Variants in THSD4 observed in about 807,000 individuals in gnomAD.
THSD4 encodes thrombospondin type-1 domain-containing protein 4.
A neutral mutation model predicts 119.0 loss-of-function variants in THSD4; 69 were observed. The observed-to-expected ratio is 0.58, with a 90% CI of 0.48 to 0.71. The LOEUF is 0.71. THSD4 is among the 30% of genes least tolerant of loss of function. THSD4 has a pLI of 0.00. For synonymous variants in THSD4, 524 were observed against 540.4 expected (o/e 0.97, Z 0.42); for missense variants, 1,393 against 1,391.1 (o/e 1.00, Z -0.02).
At chr15:71,743,473 A>T (rs2141164708) in intron 11 of THSD4, among the ~76,000 whole-genome samples, 1 of 152,306 alleles carries the variant, frequency 6.6e-6, no homozygotes, top group South Asian at 2.1e-4. Context: ...CACCTTTATA[A>T]CTGCACAGTG....
At chr15:71,239,934 A>G (rs1382108507) in intron 4 of THSD4, among the ~76,000 whole-genome samples, 2 of 152,236 alleles carry the variant, frequency 1.3e-5, no homozygotes, top group African/African-American at 4.8e-5. Flanking sequence ...TTCTGAGTCA[A>G]ATACCTAGAA....
At chr15:71,663,456 A>T (rs1239611388) in intron 8 of THSD4, among the ~76,000 whole-genome samples, 1 of 152,202 alleles carries the variant, frequency 6.6e-6, no homozygotes, top group Non-Finnish European at 1.5e-5. Context: ...ACGAACAGAG[A>T]TTCCTTCTAG....
chr15:71,632,845 G>A (rs2050659156), intron 7 of THSD4, among the ~76,000 whole-genome samples: 1 of 152,184 alleles, frequency 6.6e-6, no homozygotes, highest in African/African-American at 2.4e-5. Context: ...TTCTCTTGAG[G>A]ACACAGAGGC....
intron 10 of THSD4, among the ~76,000 whole-genome samples, chr15:71,735,934 C>T (rs2053086677): frequency 1.3e-5 from 2 of 150,422 alleles, no homozygotes. Context: ...CACTTTCTGT[C>T]TCTATCTCTC....
At chr15:71,330,386 G>A (rs563514127) in intron 6 of THSD4, among the ~76,000 whole-genome samples, 29 of 152,264 alleles carry the variant, frequency 1.9e-4, no homozygotes, top group Non-Finnish European at 3.5e-4. Context: ...CGCAGCACAC[G>A]GTAGGTATTC....
intron 6 of THSD4, among the ~76,000 whole-genome samples, chr15:71,367,743 T>C (rs1161033240): frequency 3.3e-5 from 5 of 152,234 alleles, no homozygotes; most frequent in African/African-American, 1.2e-4. Flanking sequence ...GCAATAAACA[T>C]ATGTGGGCAT....
intron 6 of THSD4, among the ~76,000 whole-genome samples, chr15:71,347,937 A>G (rs1027550944): frequency 6.6e-6 from 1 of 152,104 alleles, no homozygotes; most frequent in African/African-American, 2.4e-5. Flanking sequence ...CCACATAATA[A>G]CAATTTCAGT....
At chr15:71,582,538 G>A (rs958757545) in intron 7 of THSD4, among the ~76,000 whole-genome samples, 2 of 152,078 alleles carry the variant, frequency 1.3e-5, no homozygotes, top group Non-Finnish European at 2.9e-5. Context: ...AGTGGCAAGA[G>A]TGGACATCCT....
chr15:71,404,883 C>A (rs2046584130), intron 6 of THSD4, among the ~76,000 whole-genome samples: 1 of 95,456 alleles, frequency 1.0e-5, no homozygotes, highest in Non-Finnish European at 2.4e-5. Context: ...TCTTTTCTTT[C>A]TTTCTTTTCT....
At chr15:71,409,602 G>C (rs995172885) in intron 6 of THSD4, among the ~76,000 whole-genome samples, 1 of 152,172 alleles carries the variant, frequency 6.6e-6, no homozygotes, top group Non-Finnish European at 1.5e-5. Context: ...AAAGAAACCA[G>C]GTCTCTTGAC....
At chr15:71,293,502 A>T (rs2044821090) in intron 6 of THSD4, among the ~76,000 whole-genome samples, 1 of 152,100 alleles carries the variant, frequency 6.6e-6, no homozygotes, top group Non-Finnish European at 1.5e-5. Context: ...GCCTGGCTGC[A>T]TAACATGGGC....
intron 7 of THSD4, among the ~76,000 whole-genome samples, chr15:71,632,281 C>A (rs576304858): frequency 6.6e-6 from 1 of 152,254 alleles, no homozygotes; most frequent in South Asian, 2.1e-4. Flanking sequence ...CACCAGTCAC[C>A]CTTGGGGTTG....
intron 6 of THSD4, among the ~76,000 whole-genome samples, chr15:71,409,636 C>T (rs1019887619): frequency 4.6e-5 from 7 of 152,164 alleles, no homozygotes; most frequent in African/African-American, 1.7e-4. Flanking sequence ...CTCAGAGTAT[C>T]TAGACGATGC....
chr15:71,205,478 G>A (rs1005105852), intron 3 of THSD4, among the ~76,000 whole-genome samples: 4 of 152,080 alleles, frequency 2.6e-5, no homozygotes, highest in African/African-American at 4.8e-5. Flanking sequence ...TCTCTAAAGC[G>A]TGGCTGTCTC....
intron 7 of THSD4, among the ~76,000 whole-genome samples, chr15:71,508,702 G>A (rs4132884): frequency 0.43 from 65,662 of 151,980 alleles, 16,114 homozygotes; most frequent in East Asian, 0.77. Context: ...TGTAGAATTT[G>A]TAAAACACAG....
rs754069433 is a variant in THSD4, at chr15:71,738,120, A to G, written c.1906+113A>G. 18 of 1,395,820 alleles carry G rather than the reference A, an allele frequency of 1.3e-5. No homozygotes were observed. The East Asian group carries it at 4.4e-4, about 34-fold the overall frequency. The allele number at this position is 1,395,820 out of a possible 1,614,324, so 86.5% of individuals were successfully genotyped here. A position where few individuals can be genotyped will look rare whatever the true frequency, so the allele number is the denominator to read the frequency against. On this transcript the variant is annotated intron_variant, in intron 11 of 17. Coordinates refer to ENST00000261862, the MANE Select transcript of THSD4 (RefSeq NM_024817.3). ...TTGGCACCAGGGACTGGTTTCGTGG[A>G]AGACGATTTCTCCATGGATGGTGGC...
intron 6 of THSD4, among the ~76,000 whole-genome samples, chr15:71,354,664 A>G (rs528259403): frequency 6.6e-6 from 1 of 152,312 alleles, no homozygotes; most frequent in Admixed American, 6.5e-5. Flanking sequence ...TGCAGTTGCT[A>G]ATAAGCATAG....
At chr15:71,301,387 ATC>A (rs1348542029) in intron 6 of THSD4, among the ~76,000 whole-genome samples, 1 of 152,148 alleles carries the variant, frequency 6.6e-6, no homozygotes, top group Non-Finnish European at 1.5e-5. Flanking sequence ...GGCTCCAAGT[ATC>A]TCATTTATAT....
chr15:71,142,416 CT>C (rs2040613725), intron 2 of THSD4, among the ~76,000 whole-genome samples: 1 of 151,958 alleles, frequency 6.6e-6, no homozygotes, highest in African/African-American at 2.4e-5. Context: ...CTGACAGAGC[CT>C]TTTAAAAATT....
Sources: allele counts gnomAD v4.1 joint callset (sites outside exome capture counted in the v4.1 genomes callset), GRCh38; gene constraint gnomAD v4.1.1; transcripts MANE v1.5; gene names NCBI Gene and HGNC (gene_info 2026-07-23, HGNC 2026-07-21).